METTL24: variants seen among roughly 807,000 people sequenced by gnomAD.
METTL24 encodes probable methyltransferase-like protein 24.
METTL24 carries 29 observed loss-of-function variants against 32.7 expected under a neutral mutation model. That is an observed-to-expected ratio of 0.89 (90% CI 0.66 to 1.21). METTL24 has a LOEUF of 1.21. METTL24 is among the 50% of genes most tolerant of loss of function. The probability of loss-of-function intolerance (pLI) is 0.00; values close to 1 mark genes in which losing one functional copy is unlikely to be tolerated. For missense variants in METTL24, 439 were observed against 468.1 expected, an observed-to-expected ratio of 0.94 and a Z score of 0.57; for synonymous variants, 163 against 179.5, an observed-to-expected ratio of 0.91 and a Z score of 0.73.
chr6:110,308,280 C>A (rs1408189808), intron 3 of METTL24, among the ~76,000 whole-genome samples: 4 of 152,170 alleles, frequency 2.6e-5, no homozygotes, highest in African/African-American at 9.7e-5. Context: ...TTTAACACTG[C>A]TGAAGGGCAG....
intron 3 of METTL24, among the ~76,000 whole-genome samples, chr6:110,309,801 G>A (rs1771685434): frequency 6.6e-6 from 1 of 151,442 alleles, no homozygotes; most frequent in South Asian, 2.1e-4. Flanking sequence ...TTTGTGTGGG[G>A]ACACAGCCAA....
At chr6:110,314,343 T>G (rs1255960480) in intron 3 of METTL24, among the ~76,000 whole-genome samples, 1 of 152,246 alleles carries the variant, frequency 6.6e-6, no homozygotes. Context: ...TGTCTTCTTT[T>G]TTTTAAGCCA....
At chr6:110,315,764 C>T (rs1257977512) in intron 2 of METTL24, among the ~76,000 whole-genome samples, 4 of 152,108 alleles carry the variant, frequency 2.6e-5, no homozygotes, top group African/African-American at 9.7e-5. Context: ...GAGAACAAAT[C>T]AGGAGCAAAA....
intron 4 of METTL24, among the ~76,000 whole-genome samples, chr6:110,262,869 C>T (rs1304237464): frequency 6.6e-6 from 1 of 152,116 alleles, no homozygotes; most frequent in African/African-American, 2.4e-5. Context: ...CGACAAAAAC[C>T]ACATGATTAT....
intron 3 of METTL24, among the ~76,000 whole-genome samples, chr6:110,309,556 C>T (rs560544815): frequency 3.3e-5 from 5 of 152,240 alleles, no homozygotes; most frequent in South Asian, 4.2e-4. Flanking sequence ...CACAGTTGCA[C>T]GTGTCTGGGG....
At position 110,309,646 on chromosome 6, in the gene METTL24, C is replaced by T. The variant is rs941457963; in HGVS notation, c.557+5696G>A. On this transcript the variant is annotated intron_variant, in intron 3 of 4. Coordinates refer to ENST00000338882, the MANE Select transcript of METTL24 (RefSeq NM_001123364.3). Reference sequence around the variant, plus strand: ...TGGCAGCAGGCAAAAAAAGGTTGTGCAGGGAAACTCTTGTATTTAAAACCA... The same window carrying T: ...TGGCAGCAGGCAAAAAAAGGTTGTGTAGGGAAACTCTTGTATTTAAAACCA... 2.0e-5 allele frequency among the ~76,000 whole-genome samples: 3 copies of T among 152,112 alleles called. No individual in the cohort carries two copies. In the East Asian group the frequency reaches 5.8e-4, roughly 29 times the overall value.
chr6:110,287,500 G>T (rs1230085115), intron 4 of METTL24, among the ~76,000 whole-genome samples: 1 of 152,126 alleles, frequency 6.6e-6, no homozygotes, highest in East Asian at 1.9e-4. Flanking sequence ...TTTGAAAAAG[G>T]AATTTAAACA....
At chr6:110,288,524 T>A (rs1464367813) in intron 4 of METTL24, among the ~76,000 whole-genome samples, 5 of 152,196 alleles carry the variant, frequency 3.3e-5, no homozygotes, top group Non-Finnish European at 7.3e-5. Context: ...ACATTATTTG[T>A]TCAGATAATT....
chr6:110,282,362 A>C (rs1433809270), intron 4 of METTL24, among the ~76,000 whole-genome samples: 1 of 152,100 alleles, frequency 6.6e-6, no homozygotes. Flanking sequence ...AAAAAATCCA[A>C]CCCAATAACT....
chr6:110,288,209 T>C (rs1250265471), intron 4 of METTL24, among the ~76,000 whole-genome samples: 2 of 152,074 alleles, frequency 1.3e-5, no homozygotes, highest in East Asian at 3.9e-4. Flanking sequence ...GCAATGTGTT[T>C]CTCCTCTGGT....
At chr6:110,311,187 T>C (rs1204179014) in intron 3 of METTL24, among the ~76,000 whole-genome samples, 1 of 152,172 alleles carries the variant, frequency 6.6e-6, no homozygotes, top group Non-Finnish European at 1.5e-5. Flanking sequence ...TGAGGTGTTG[T>C]CAGCCAGCTA....
chr6:110,342,159 A>C (rs1483355458), intron 1 of METTL24, among the ~76,000 whole-genome samples: 1 of 152,222 alleles, frequency 6.6e-6, no homozygotes. Context: ...AAGCTAATGC[A>C]CTAGGAGGTC....
intron 1 of METTL24, 55 bp downstream of exon 1, chr6:110,357,900 C>A: frequency 9.5e-7 from 1 of 1,053,678 alleles, no homozygotes. Flanking sequence ...CTCCGTAGCG[C>A]GGTCGGGAGG....
At chr6:110,289,435 G>A (rs1771280273) in intron 4 of METTL24, among the ~76,000 whole-genome samples, 3 of 150,836 alleles carry the variant, frequency 2.0e-5, no homozygotes, top group African/African-American at 7.3e-5. Context: ...AAGAACAGAT[G>A]GATAGGAAAA....
intron 3 of METTL24, among the ~76,000 whole-genome samples, chr6:110,302,041 C>T (rs575524945): frequency 4.6e-5 from 7 of 152,060 alleles, no homozygotes; most frequent in East Asian, 3.9e-4. Context: ...TTTAGGAGGC[C>T]GAGGTGGGCA....
At chr6:110,333,215 C>A (rs9487383) in intron 1 of METTL24, among the ~76,000 whole-genome samples, 1 of 152,046 alleles carries the variant, frequency 6.6e-6, no homozygotes, top group African/African-American at 2.4e-5. Context: ...TCAGTGTATT[C>A]AGGAGGAAGG....
Position 110,244,970 on chromosome 6 carries a change from T to TTATCTATCTATCTATCTATC in METTL24, c.*956_*975dup, listed in dbSNP as rs34442447. 0.015 allele frequency among the ~76,000 whole-genome samples: 2,221 copies of TTATCTATCTATCTATCTATC among 150,066 alleles called. 27 individuals carry two copies. Among genetic ancestry groups the TTATCTATCTATCTATCTATC allele is most frequent in the African/African-American group, 0.027 (1,083 of 40,388 alleles). On this transcript the variant is annotated 3_prime_UTR_variant, in exon 5 of 5. Coordinates refer to ENST00000338882, the MANE Select transcript of METTL24 (RefSeq NM_001123364.3). ...AAACATGCCAGTAGGAAAATCTATC[T>TTATCTATCTATCTATCTATC]TATCTATCTATCTATCTATCTATCT...
chr6:110,284,088 T>C (rs1771180877), intron 4 of METTL24, among the ~76,000 whole-genome samples: 1 of 152,186 alleles, frequency 6.6e-6, no homozygotes, highest in Non-Finnish European at 1.5e-5. Context: ...GAAAACATTA[T>C]GCAAAGTGAA....
intron 3 of METTL24, among the ~76,000 whole-genome samples, chr6:110,308,767 A>G (rs1771668288): frequency 6.6e-6 from 1 of 152,254 alleles, no homozygotes; most frequent in African/African-American, 2.4e-5. Context: ...TTATTCAGCC[A>G]TAAAAGGAAT....
Sources: allele counts gnomAD v4.1 joint callset (sites outside exome capture counted in the v4.1 genomes callset), GRCh38; gene constraint gnomAD v4.1.1; transcripts MANE v1.5; gene names NCBI Gene and HGNC (gene_info 2026-07-23, HGNC 2026-07-21).